The following ADGRL3 variants were observed in gnomAD, a reference collection of about 807,000 sequenced individuals.
The protein encoded by ADGRL3 is adhesion G protein-coupled receptor L3, also known as calcium-independent alpha-latrotoxin receptor 3.
Under a neutral mutation model 153.5 loss-of-function variants are expected in ADGRL3, and 62 were observed. The observed-to-expected ratio is 0.40, with a 90% confidence interval of 0.33 to 0.50. The LOEUF (loss-of-function observed/expected upper bound fraction) is 0.50. ADGRL3 is among the 20% of genes least tolerant of loss of function. The probability of loss-of-function intolerance (pLI) is 0.47; values close to 1 mark genes in which losing one functional copy is unlikely to be tolerated. For synonymous variants in ADGRL3, 710 were observed against 672.5 expected (o/e 1.06, Z -0.86); for missense variants, 1,641 against 1,859.4 (o/e 0.88, Z 2.16).
intron 4 of ADGRL3, among the ~76,000 whole-genome samples, chr4:61,544,937 C>T (rs2098706870): frequency 6.6e-6 from 1 of 151,054 alleles, no homozygotes; most frequent in Non-Finnish European, 1.5e-5. Flanking sequence ...TCTTTTTTTT[C>T]AGAATTTGCT....
intron 1 of ADGRL3, among the ~76,000 whole-genome samples, chr4:61,329,536 A>G (rs927837998): frequency 2.0e-5 from 3 of 152,172 alleles, no homozygotes; most frequent in Non-Finnish European, 4.4e-5. Flanking sequence ...ATTAAAATAT[A>G]AAGAGAAGAA....
intron 2 of ADGRL3, among the ~76,000 whole-genome samples, chr4:61,392,695 A>AAAAAAAAAAAAAAAAC (rs2096825314): frequency 6.9e-6 from 1 of 145,678 alleles, no homozygotes; most frequent in South Asian, 2.2e-4. Flanking sequence ...AAAAAAAAAA[A>AAAAAAAAAAAAAAAAC]AAAAAAAAAA....
intron 4 of ADGRL3, among the ~76,000 whole-genome samples, chr4:61,521,730 C>T (rs939559661): frequency 2.6e-5 from 4 of 151,874 alleles, no homozygotes; most frequent in African/African-American, 9.7e-5. Flanking sequence ...TGAGAGATTG[C>T]ATTATAAATG....
At chr4:61,497,373 A>C in intron 3 of ADGRL3, 25 bp downstream of exon 3, 1 of 1,511,986 alleles carries the variant, frequency 6.6e-7, no homozygotes, top group Non-Finnish European at 9.1e-7. Context: ...ATTTTTGTGT[A>C]ATGCTTAATG....
At chr4:61,703,239 A>G (rs971746413) in intron 6 of ADGRL3, among the ~76,000 whole-genome samples, 3 of 152,150 alleles carry the variant, frequency 2.0e-5, no homozygotes, top group African/African-American at 7.2e-5. Flanking sequence ...CAGGCAGTAA[A>G]TAAATTTAAA....
intron 5 of ADGRL3, among the ~76,000 whole-genome samples, chr4:61,606,204 G>A (rs1245144479): frequency 6.6e-6 from 1 of 152,184 alleles, no homozygotes; most frequent in African/African-American, 2.4e-5. Flanking sequence ...TTGCACAGAT[G>A]TGAAGTGAAC....
chr4:61,983,628 T>C (rs2099075818), intron 19 of ADGRL3, 25 bp downstream of exon 19: 1 of 1,597,972 alleles, frequency 6.3e-7, no homozygotes, highest in Non-Finnish European at 8.6e-7. Flanking sequence ...TTCTTTCTTT[T>C]TAAATCTAGG....
intron 1 of ADGRL3, among the ~76,000 whole-genome samples, chr4:61,222,104 G>T (rs1016024727): frequency 1.3e-5 from 2 of 151,828 alleles, no homozygotes; most frequent in Admixed American, 1.3e-4. Flanking sequence ...TTTTCATTTA[G>T]ATTATATGCT....
At chr4:61,504,259 C>T (rs548287890) in intron 3 of ADGRL3, among the ~76,000 whole-genome samples, 1 of 152,326 alleles carries the variant, frequency 6.6e-6, no homozygotes, top group East Asian at 1.9e-4. Flanking sequence ...CCTCCCAGAG[C>T]ACTGGGATTA....
At chr4:61,497,098 C>CT in intron 2 of ADGRL3, 23 bp from the exon 3 acceptor site, 3 of 544,080 alleles carry the variant, frequency 5.5e-6, no homozygotes, top group South Asian at 5.0e-5. Context: ...ATACAATAAC[C>CT]CTTTTTTTTT....
At chr4:61,371,266 T>A (rs1345462580) in intron 1 of ADGRL3, among the ~76,000 whole-genome samples, 1 of 151,630 alleles carries the variant, frequency 6.6e-6, no homozygotes, top group African/African-American at 2.4e-5. Context: ...AATTTGATCC[T>A]GTCATTATGA....
At chr4:61,307,561 A>G (rs771751210) in intron 1 of ADGRL3, among the ~76,000 whole-genome samples, 3 of 152,168 alleles carry the variant, frequency 2.0e-5, no homozygotes, top group Non-Finnish European at 4.4e-5. Context: ...AAATAAAAAT[A>G]TTTTTAATAT....
At chr4:61,931,032 G>T in intron 13 of ADGRL3, among the ~76,000 whole-genome samples, 1 of 152,106 alleles carries the variant, frequency 6.6e-6, no homozygotes, top group East Asian at 1.9e-4. Flanking sequence ...CCTTCATTTA[G>T]CTAGTAAAGG....
chr4:61,926,776 G>A (rs998118035), intron 13 of ADGRL3, among the ~76,000 whole-genome samples: 5 of 152,206 alleles, frequency 3.3e-5, no homozygotes, highest in South Asian at 2.1e-4. Context: ...ACTATTTGTC[G>A]TCTTTAGGAA....
At chr4:62,058,525 G>A (rs1198093663) in intron 25 of ADGRL3, among the ~76,000 whole-genome samples, 4 of 151,838 alleles carry the variant, frequency 2.6e-5, no homozygotes, top group Non-Finnish European at 5.9e-5. Flanking sequence ...GTGTAGAGCA[G>A]TGAAAACCCC....
intron 14 of ADGRL3, among the ~76,000 whole-genome samples, chr4:61,935,471 A>G (rs1265421120): frequency 1.3e-5 from 2 of 152,160 alleles, no homozygotes; most frequent in Non-Finnish European, 1.5e-5. Context: ...CTTATAAAGG[A>G]TATCAGTCTA....
At position 61,310,191 on chromosome 4, in the gene ADGRL3, A is replaced by G. The variant is rs138995181; in HGVS notation, c.-239-72933A>G. ...AGAATATGAAAGCTCTTATAAAAAT[A>G]GGGACTTTATTTCCCCTAGCTGAAA... On this transcript the variant is annotated intron_variant, in intron 1 of 26. Coordinates refer to ENST00000683033, the MANE Select transcript of ADGRL3 (RefSeq NM_001387552.1). 1.7e-4 allele frequency among the ~76,000 whole-genome samples: 26 copies of G among 152,006 alleles called. 1 individual carries two copies. The East Asian group carries it at 4.1e-3, about 24-fold the overall frequency.
intron 9 of ADGRL3, among the ~76,000 whole-genome samples, chr4:61,832,150 C>G (rs1016309750): frequency 6.6e-6 from 1 of 151,898 alleles, no homozygotes; most frequent in Admixed American, 6.6e-5. Flanking sequence ...GAGTTAGGAG[C>G]CATATACAAT....
intron 4 of ADGRL3, among the ~76,000 whole-genome samples, chr4:61,578,692 C>T (rs1010865368): frequency 1.3e-5 from 2 of 151,902 alleles, no homozygotes; most frequent in Non-Finnish European, 2.9e-5. Flanking sequence ...TTTTACTATC[C>T]CCTCTCCGAT....
Sources: gnomAD v4.1 joint callset for allele counts (sites outside exome capture counted in the v4.1 genomes callset) on GRCh38, gnomAD v4.1.1 for gene constraint, MANE v1.5 for transcripts, NCBI Gene and HGNC (gene_info 2026-07-23, HGNC 2026-07-21) for gene names.